FAM216B: variants seen among roughly 807,000 people sequenced by gnomAD.
FAM216B encodes the protein family with sequence similarity 216 member B.
FAM216B carries 11 observed loss-of-function variants against 12.9 expected under a neutral mutation model. That is an observed-to-expected ratio of 0.86 (90% CI 0.54 to 1.42). The LOEUF (loss-of-function observed/expected upper bound fraction) is 1.42, where lower values mean the gene tolerates loss of function less well. FAM216B is among the 40% of genes most tolerant of loss of function. The pLI is 0.00. For missense variants in FAM216B, 167 were observed against 162.9 expected, an observed-to-expected ratio of 1.02 and a Z score of -0.14; for synonymous variants, 52 against 57.2, an observed-to-expected ratio of 0.91 and a Z score of 0.41.
chr13:42,786,795 C>G lies in FAM216B; in HGVS notation c.132C>G (p.Tyr44Ter), dbSNP rs747541898. 1.9e-6 allele frequency: 3 copies of G among 1,614,064 alleles called. No homozygotes were observed. The East Asian group carries it at 6.7e-5, about 36-fold the overall frequency. Residue 44 changes from tyrosine (Y) to a stop codon, truncating the protein, a stop_gained, in exon 3 of 4, where the codon TAC (tyrosine) becomes TAG (stop). Coordinates refer to ENST00000313851, the MANE Select transcript of FAM216B (RefSeq NM_001318932.2). LOFTEE classifies it high-confidence loss of function. Reference sequence around the variant, plus strand: ...ACCAAGGGCAACAGCGCTACTTTTACAGCATTATGAGGATTTACAACTCCA... The same window carrying G: ...ACCAAGGGCAACAGCGCTACTTTTAGAGCATTATGAGGATTTACAACTCCA... ...ALNQGQQRYF[Y>*]SIMRIYNSRP...
At position 42,788,831 on chromosome 13, in the gene FAM216B, A is replaced by T. The variant is rs1286342447; in HGVS notation, c.*41A>T. 3 of 1,564,964 alleles carry T rather than the reference A, an allele frequency of 1.9e-6. No individual in the cohort carries two copies. The highest frequency in any genetic ancestry group is 2.6e-6 in the Non-Finnish European group (3 of 1,149,114). On this transcript the variant is annotated 3_prime_UTR_variant, in exon 4 of 4. Coordinates refer to ENST00000313851, the MANE Select transcript of FAM216B (RefSeq NM_001318932.2). Reference sequence around the variant, plus strand: ...TCAGAAACAGGAAGTTTGCCCATGTATCCCTGGTATCTAGTGGGTGCTTTG... The same window carrying T: ...TCAGAAACAGGAAGTTTGCCCATGTTTCCCTGGTATCTAGTGGGTGCTTTG...
chr13:42,782,785 C>T lies in FAM216B; in HGVS notation c.-15+1121C>T, dbSNP rs189416612. Among the ~76,000 whole-genome samples, 11 of 152,284 alleles carry T rather than the reference C, an allele frequency of 7.2e-5. No homozygotes were observed. The East Asian group carries it at 2.1e-3, about 29-fold the overall frequency. ...TGACTCTATTATTCTGTATCTTTCT[C>T]AGGCAAGTGGAAACATGACAAGTTT... On this transcript the variant is annotated intron_variant, in intron 1 of 3. Transcript: ENST00000313851.
intron 3 of FAM216B, among the ~76,000 whole-genome samples, chr13:42,787,980 G>T (rs1455992773): frequency 6.6e-6 from 1 of 152,106 alleles, no homozygotes; most frequent in African/African-American, 2.4e-5. Flanking sequence ...GAGAAGCCGA[G>T]ATTCAGTCTG....
intron 2 of FAM216B, among the ~76,000 whole-genome samples, chr13:42,786,033 G>A (rs891978865): frequency 6.6e-6 from 1 of 152,114 alleles, no homozygotes; most frequent in African/African-American, 2.4e-5. Context: ...AAGACCTTTG[G>A]TGGCTCCTCA....
chr13:42,781,716 T>C (rs1873863615), intron 1 of FAM216B, 52 bp downstream of exon 1: 1 of 152,262 alleles, frequency 6.6e-6, no homozygotes. Context: ...TATTATTTTG[T>C]AGATGTTTCT....
At position 42,791,455 on chromosome 13, in the gene FAM216B, A is replaced by T. The variant is rs527635204; in HGVS notation, c.*2665A>T. 2.0e-5 allele frequency: 3 copies of T among 152,334 alleles called. No homozygotes were observed. The highest frequency in any genetic ancestry group is 7.2e-5 in the African/African-American group (3 of 41,580). The allele number at this position is 152,334 out of a possible 1,614,324, so 9.4% of individuals were successfully genotyped here. ...TTGTAAAGACAAGAAACAGAACCTG[A>T]AATACTTCAATTTTTGATTCTATGT... On this transcript the variant is annotated 3_prime_UTR_variant, in exon 4 of 4. Transcript: ENST00000313851.
chr13:42,782,234 T>A (rs770053674), intron 1 of FAM216B, among the ~76,000 whole-genome samples: 3 of 152,236 alleles, frequency 2.0e-5, no homozygotes, highest in Non-Finnish European at 2.9e-5. Context: ...AGCATGTGTA[T>A]GTTTATGAAC....
Position 42,787,278 on chromosome 13 carries a change from C to T in FAM216B, c.220+395C>T, listed in dbSNP as rs531470709. 2.7e-4 allele frequency among the ~76,000 whole-genome samples: 41 copies of T among 152,296 alleles called. 2 individuals carry two copies. The South Asian group carries it at 7.5e-3, about 28-fold the overall frequency. ...AGTTACATTTATTGCTCACTGACCA[C>T]GTTCCAGACATTGTGCTAAGAGCTT... On this transcript the variant is annotated intron_variant, in intron 3 of 3. Transcript: ENST00000313851.
intron 2 of FAM216B, 131 bp downstream of exon 2, chr13:42,784,297 C>G: frequency 1.6e-6 from 1 of 632,676 alleles, no homozygotes; most frequent in Admixed American, 3.2e-5. Flanking sequence ...ATAATAAGCC[C>G]TTGCTGCATG....
At chr13:42,787,067 G>A (rs1464489750) in intron 3 of FAM216B, among the ~76,000 whole-genome samples, 184 bp downstream of exon 3, 3 of 152,196 alleles carry the variant, frequency 2.0e-5, no homozygotes, top group African/African-American at 7.2e-5. Context: ...GGTTTTATGG[G>A]TAAATTAATA....
chr13:42,784,392 C>T (rs1040512989), intron 2 of FAM216B, among the ~76,000 whole-genome samples: 2 of 152,016 alleles, frequency 1.3e-5, no homozygotes, highest in Non-Finnish European at 2.9e-5. Context: ...TAGACGGTCA[C>T]CTCTTCGTGG....
chr13:42,783,085 G>T (rs1873922469), intron 1 of FAM216B, among the ~76,000 whole-genome samples: 1 of 152,162 alleles, frequency 6.6e-6, no homozygotes, highest in Non-Finnish European at 1.5e-5. Flanking sequence ...TGAGGTGCAG[G>T]ATAACTTGAG....
At position 42,785,960 on chromosome 13, in the gene FAM216B, C is replaced by T. The variant is rs534623403; in HGVS notation, c.100-803C>T. 5.3e-5 allele frequency among the ~76,000 whole-genome samples: 8 copies of T among 152,250 alleles called. No homozygotes were observed. In the East Asian group the frequency reaches 1.2e-3, roughly 22 times the overall value. On this transcript the variant is annotated intron_variant, in intron 2 of 3. Transcript: ENST00000313851. ...CAATTAGGACAATAAAAAAATTTTG[C>T]AGGCATTGCCAAATGTCCCCTGGGG...
chr13:42,784,365 C>T lies in FAM216B; in HGVS notation c.99+199C>T, dbSNP rs149986162. On this transcript the variant is annotated intron_variant, in intron 2 of 3. Transcript: ENST00000313851. Reference sequence around the variant, plus strand: ...CTTGGGTAACCTCCTACACTCGTCCCATTTCAGGAGCTCTGGTAGACGGTC... The same window carrying T: ...CTTGGGTAACCTCCTACACTCGTCCTATTTCAGGAGCTCTGGTAGACGGTC... 3.1e-3 allele frequency among the ~76,000 whole-genome samples: 468 copies of T among 152,068 alleles called. 3 individuals carry two copies. Among genetic ancestry groups the T allele is most frequent in the African/African-American group, 0.011 (448 of 41,466 alleles).
In FAM216B at chr13:42,789,076, C is replaced by A; in HGVS notation, c.*286C>A. On this transcript the variant is annotated 3_prime_UTR_variant, in exon 4 of 4. Coordinates refer to ENST00000313851, the MANE Select transcript of FAM216B (RefSeq NM_001318932.2). ...GATTAGAACCTCCTAGAGAAGTCCC[C>A]AAAACAGTGAAAGGGGACAAGTGAC... 1 of 234,820 alleles carries A rather than the reference C, an allele frequency of 4.3e-6. No individual in the cohort carries two copies. 14.5% of individuals were successfully genotyped at this position (234,820 alleles called of 1,614,324 possible). A position where few individuals can be genotyped will look rare whatever the true frequency, so the allele number is the denominator to read the frequency against.
intron 1 of FAM216B, among the ~76,000 whole-genome samples, chr13:42,783,665 A>G (rs1472145220): frequency 2.0e-5 from 3 of 152,070 alleles, no homozygotes; most frequent in African/African-American, 7.2e-5. Context: ...AATTTTTCCA[A>G]ATCTTCCAAA....
intron 1 of FAM216B, among the ~76,000 whole-genome samples, chr13:42,782,393 G>A (rs1016637514): frequency 3.3e-5 from 5 of 152,190 alleles, no homozygotes; most frequent in East Asian, 3.8e-4. Flanking sequence ...CTGTCTTAAG[G>A]ATGAGAGGGC....
chr13:42,783,917 T>C (rs1873954531), intron 1 of FAM216B, 137 bp from the exon 2 acceptor site: 1 of 474,598 alleles, frequency 2.1e-6, no homozygotes, highest in Non-Finnish European at 3.7e-6. Flanking sequence ...CTTGGAAATG[T>C]GAGCAAATGT....
In FAM216B at chr13:42,788,718, T is replaced by C. The variant is rs1225587584; in HGVS notation, c.348T>C (p.Cys116=). ...AAACTTCAGCCATGACAAGAAGATG[T>C]CCATCAGTACTACCTGTATCTGTGG... is the stretch of plus-strand genomic sequence containing the variant. ...PRKTSAMTRR[C]PSVLPVSVVL... The change falls in exon 4 of 4, where the codon TGT becomes TGC. Residue 116 remains cysteine, a synonymous_variant. Coordinates refer to ENST00000313851, the MANE Select transcript of FAM216B (RefSeq NM_001318932.2). 4.3e-6 allele frequency: 7 copies of C among 1,613,802 alleles called. No homozygotes were observed. In the South Asian group the frequency reaches 4.4e-5, roughly 10 times the overall value.
Sources: allele counts gnomAD v4.1 joint callset (sites outside exome capture counted in the v4.1 genomes callset), GRCh38; gene constraint gnomAD v4.1.1; transcripts MANE v1.5; gene names NCBI Gene and HGNC (gene_info 2026-07-23, HGNC 2026-07-21).